The following DRC3 variants were observed in gnomAD, a reference collection of about 807,000 sequenced individuals.
DRC3 encodes the protein leucine rich repeat containing 48.
Under a neutral mutation model 57.6 loss-of-function variants are expected in DRC3, and 45 were observed. The ratio of observed to expected loss-of-function variants is 0.78; its 90% CI spans 0.62 to 1.00. The LOEUF (loss-of-function observed/expected upper bound fraction) is 1.00. Among genes scored for constraint, DRC3 ranks in the 50% least tolerant of loss-of-function variants. The pLI, the probability that DRC3 is intolerant of heterozygous loss-of-function variation, is 0.00. For synonymous variants in DRC3, 257 were observed against 272.3 expected, an observed-to-expected ratio of 0.94 and a Z score of 0.55; for missense variants, 655 against 675.2, an observed-to-expected ratio of 0.97 and a Z score of 0.33.
In DRC3 at chr17:18,007,763, T is replaced by G. The variant is rs1201655819; in HGVS notation, c.1326+616T>G. 4.4e-6 allele frequency: 5 copies of G among 1,134,900 alleles called. No individual in the cohort carries two copies. The African/African-American group carries it at 6.4e-5, about 15-fold the overall frequency. The allele number at this position is 1,134,900 out of a possible 1,614,324, so 70.3% of individuals were successfully genotyped here. A position where few individuals can be genotyped will look rare whatever the true frequency, so the allele number is the denominator to read the frequency against. ...AAGGGCCCAGACAGAGATACTATGT[T>G]GTCAGGGCCCAGACAGAGATACTAT... On this transcript the variant is annotated intron_variant, in intron 12 of 13. Transcript: ENST00000399187.
rs1175940401 is a variant in DRC3, at chr17:18,016,866, C to G, written c.*195C>G. 3.2e-5 allele frequency: 14 copies of G among 437,132 alleles called. No homozygotes were observed. In the East Asian group the frequency reaches 5.4e-4, roughly 17 times the overall value. The allele number at this position is 437,132 out of a possible 1,614,324, so 27.1% of individuals were successfully genotyped here. On this transcript the variant is annotated 3_prime_UTR_variant, in exon 14 of 14. Transcript: ENST00000399187. ...ATAAAGGACTCATTTCACATTTCCC[C>G]TACTCATAAAAAAAAAAAAAAAATC...
In DRC3 at chr17:18,003,246, A is replaced by C. The variant is rs368066845; in HGVS notation, c.1000-1117A>C. ...ACACCTGTAATCTCAGCACTCTGGG[A>C]GGCCGAGGTGGGTGGATCATGAGGT... On this transcript the variant is annotated intron_variant, in intron 9 of 13. Coordinates refer to ENST00000399187, the MANE Select transcript of DRC3 (RefSeq NM_031294.4). Among the ~76,000 whole-genome samples, 39 of 152,080 alleles carry C rather than the reference A, an allele frequency of 2.6e-4. No homozygotes were observed. The South Asian group carries it at 6.9e-3, about 27-fold the overall frequency.
chr17:17,994,584 C>T (rs1432416824), intron 7 of DRC3, among the ~76,000 whole-genome samples, 166 bp downstream of exon 7: 1 of 152,176 alleles, frequency 6.6e-6, no homozygotes, highest in African/African-American at 2.4e-5. Context: ...CTGCTGTCTG[C>T]CCCAGGGCCA....
intron 3 of DRC3, among the ~76,000 whole-genome samples, chr17:17,980,392 T>C (rs1405432146): frequency 6.6e-6 from 1 of 152,034 alleles, no homozygotes; most frequent in African/African-American, 2.4e-5. Flanking sequence ...CCTCCTGAGT[T>C]CAAGCAATTC....
chr17:17,984,402 G>A (rs2042861334), intron 4 of DRC3, among the ~76,000 whole-genome samples: 1 of 151,756 alleles, frequency 6.6e-6, no homozygotes, highest in South Asian at 2.1e-4. Flanking sequence ...GGGTCTTTCA[G>A]TTCACACAGC....
At chr17:18,010,340 G>A (rs1035004041) in intron 12 of DRC3, among the ~76,000 whole-genome samples, 3 of 152,186 alleles carry the variant, frequency 2.0e-5, no homozygotes, top group Non-Finnish European at 4.4e-5. Context: ...CTAGCAGTGC[G>A]GTGGTCCTGG....
intron 8 of DRC3, among the ~76,000 whole-genome samples, chr17:17,995,426 G>T (rs1194344581): frequency 2.0e-5 from 3 of 152,222 alleles, no homozygotes; most frequent in Non-Finnish European, 2.9e-5. Context: ...ATACTCACTT[G>T]TTCTTGTTGT....
In DRC3 at chr17:17,992,381, G is replaced by A. The variant is rs563771971; in HGVS notation, c.445-384G>A. Among the ~76,000 whole-genome samples the A allele has an allele frequency of 1.3e-4, 20 of 152,334 alleles. No individual in the cohort carries two copies. The South Asian group carries it at 2.5e-3, about 19-fold the overall frequency. On this transcript the variant is annotated intron_variant, in intron 5 of 13. Coordinates refer to ENST00000399187, the MANE Select transcript of DRC3 (RefSeq NM_031294.4). ...ACGCCCATTACCGAATAGGTGTCAG[G>A]CACTCTTCCAGTGCTTTTTATAGCT...
At chr17:17,973,992 T>C (rs2042262370) in intron 2 of DRC3, 30 bp downstream of exon 2, 1 of 152,290 alleles carries the variant, frequency 6.6e-6, no homozygotes, top group Non-Finnish European at 1.5e-5. Context: ...GGTTGGGTGG[T>C]AAACTATAAG....
rs1489813303 is a variant in DRC3, at chr17:18,006,844, G to A, written c.1203-180G>A. Reference sequence around the variant, plus strand: ...CAGGGGCCGAGGGTCCGTCCGAGGTGTGGGGCAGGGGCAGGGAGTCGAGGA... The same window carrying A: ...CAGGGGCCGAGGGTCCGTCCGAGGTATGGGGCAGGGGCAGGGAGTCGAGGA... On this transcript the variant is annotated intron_variant, in intron 11 of 13. Transcript: ENST00000399187. The A allele has an allele frequency of 5.5e-6, 5 of 906,204 alleles. No homozygotes were observed. In the African/African-American group the frequency reaches 6.8e-5, roughly 12 times the overall value. 56.1% of individuals were successfully genotyped at this position (906,204 alleles called of 1,614,324 possible).
chr17:18,016,224 G>A (rs1387540830), intron 13 of DRC3, 29 bp downstream of exon 13: 1 of 1,605,618 alleles, frequency 6.2e-7, no homozygotes, highest in Non-Finnish European at 8.5e-7. Context: ...ATCCTAGCAG[G>A]CTGGATGAAC....
intron 7 of DRC3, 111 bp downstream of exon 7, chr17:17,994,529 A>G: frequency 2.1e-6 from 3 of 1,407,334 alleles, no homozygotes; most frequent in African/African-American, 2.9e-5. Flanking sequence ...CACAGAAATC[A>G]TGCTCCCTCC....
At chr17:18,003,637 CTTTTTTTTTTTT>C (rs758041562) in intron 9 of DRC3, among the ~76,000 whole-genome samples, 1 of 103,920 alleles carries the variant, frequency 9.6e-6, no homozygotes, top group African/African-American at 3.6e-5. Flanking sequence ...TTTTAAGTAT[CTTTTTTTTTTTT>C]TTTTTTTTTT....
At chr17:17,989,274 G>A (rs2043111727) in intron 5 of DRC3, among the ~76,000 whole-genome samples, 1 of 152,184 alleles carries the variant, frequency 6.6e-6, no homozygotes, top group Admixed American at 6.5e-5. Context: ...CCCTGGACGA[G>A]GTCAAAGGTG....
At chr17:18,013,991 G>C (rs2044263899) in intron 12 of DRC3, among the ~76,000 whole-genome samples, 1 of 150,310 alleles carries the variant, frequency 6.7e-6, no homozygotes, top group African/African-American at 2.5e-5. Flanking sequence ...GTAGTGCAGT[G>C]GTGCAATCTT....
intron 12 of DRC3, chr17:18,011,787 C>A: frequency 1.0e-5 from 2 of 193,846 alleles, no homozygotes; most frequent in South Asian, 2.1e-4. Context: ...ACACCAGAGT[C>A]TCTGTGTGGA....
chr17:17,996,801 C>G (rs927092259), intron 8 of DRC3, among the ~76,000 whole-genome samples: 2 of 152,216 alleles, frequency 1.3e-5, no homozygotes, highest in Non-Finnish European at 2.9e-5. Context: ...TTTCATCTCT[C>G]TGGGCATCAG....
At chr17:17,998,246 GAA>G (rs959502692) in intron 9 of DRC3, among the ~76,000 whole-genome samples, 2 of 152,174 alleles carry the variant, frequency 1.3e-5, no homozygotes, top group Admixed American at 6.5e-5. Context: ...ACAGAAGAAA[GAA>G]AAGTTGATGG....
At chr17:17,995,237 T>C in intron 8 of DRC3, 126 bp downstream of exon 8, 1 of 659,800 alleles carries the variant, frequency 1.5e-6, no homozygotes. Flanking sequence ...AAATCTCCAC[T>C]TGAGAGCAAT....
Sources: allele counts gnomAD v4.1 joint callset (sites outside exome capture counted in the v4.1 genomes callset), GRCh38; gene constraint gnomAD v4.1.1; transcripts MANE v1.5; gene names NCBI Gene and HGNC (gene_info 2026-07-23, HGNC 2026-07-21).